DCC: variants seen among roughly 807,000 people sequenced by gnomAD.
The protein encoded by DCC is DCC netrin 1 receptor.
In DCC, 58 loss-of-function variants were observed where a neutral mutation model predicts 172.5. The ratio of observed to expected loss-of-function variants is 0.34; its 90% CI spans 0.27 to 0.42. The LOEUF (loss-of-function observed/expected upper bound fraction) is 0.42. Ranked by LOEUF, DCC falls within the 10% of genes least tolerant of loss-of-function variation. The pLI, the probability that DCC is intolerant of heterozygous loss-of-function variation, is 1.00. For synonymous variants in DCC, 709 were observed against 644.5 expected (o/e 1.10, Z -1.52); for missense variants, 1,740 against 1,791.0 (o/e 0.97, Z 0.51).
chr18:53,109,800 C>T (rs976679427), intron 7 of DCC, among the ~76,000 whole-genome samples: 1 of 151,350 alleles, frequency 6.6e-6, no homozygotes, highest in African/African-American at 2.4e-5. Context: ...CTTTTTTTTC[C>T]TTCCAGTAGT....
chr18:52,421,828 C>G (rs549923299), intron 1 of DCC, among the ~76,000 whole-genome samples: 1 of 152,086 alleles, frequency 6.6e-6, no homozygotes, highest in Non-Finnish European at 1.5e-5. Context: ...TTTTAGTGAT[C>G]CTTGTAGTAT....
At chr18:52,622,694 G>C (rs960337567) in intron 1 of DCC, among the ~76,000 whole-genome samples, 9 of 152,096 alleles carry the variant, frequency 5.9e-5, no homozygotes, top group Admixed American at 4.6e-4. Flanking sequence ...CACTTATCCA[G>C]GTTTCAACTA....
chr18:53,396,266 A>G (rs890307390), intron 17 of DCC, among the ~76,000 whole-genome samples: 8 of 152,200 alleles, frequency 5.3e-5, no homozygotes, highest in African/African-American at 1.9e-4. Context: ...GATACCTCAT[A>G]CCAAGTACAA....
At chr18:53,484,257 T>C (rs977991618) in intron 25 of DCC, among the ~76,000 whole-genome samples, 8 of 151,988 alleles carry the variant, frequency 5.3e-5, no homozygotes, top group Non-Finnish European at 1.0e-4. Flanking sequence ...GTTATTTACT[T>C]TCTTGTTTTC....
intron 5 of DCC, among the ~76,000 whole-genome samples, chr18:52,931,558 C>CCT (rs2040306828): frequency 6.6e-6 from 1 of 151,916 alleles, no homozygotes; most frequent in African/African-American, 2.4e-5. Flanking sequence ...ATTTTGTTGC[C>CCT]CTCCTCAGTA....
intron 5 of DCC, among the ~76,000 whole-genome samples, chr18:52,936,971 CTT>C (rs1215905404): frequency 2.6e-5 from 4 of 152,168 alleles, no homozygotes; most frequent in African/African-American, 7.2e-5. Flanking sequence ...ATTTCAGTAA[CTT>C]TATGTAGTAA....
intron 1 of DCC, among the ~76,000 whole-genome samples, chr18:52,719,784 G>A (rs74561785): frequency 6.6e-6 from 1 of 152,046 alleles, no homozygotes; most frequent in African/African-American, 2.4e-5. Context: ...GCCAGGTACC[G>A]ACTGGAGAAT....
At chr18:53,173,564 G>C (rs1420674241) in intron 8 of DCC, among the ~76,000 whole-genome samples, 2 of 152,014 alleles carry the variant, frequency 1.3e-5, no homozygotes, top group Non-Finnish European at 2.9e-5. Context: ...AACCAACAAA[G>C]ATCAAAAGAG....
chr18:53,011,927 C>T (rs1260853277), intron 5 of DCC, among the ~76,000 whole-genome samples: 5 of 151,600 alleles, frequency 3.3e-5, no homozygotes, highest in Admixed American at 1.3e-4. Flanking sequence ...ATTAAGAAGA[C>T]AAAATATATG....
At chr18:52,524,245 A>T (rs954832730) in intron 1 of DCC, among the ~76,000 whole-genome samples, 2 of 152,248 alleles carry the variant, frequency 1.3e-5, no homozygotes, top group African/African-American at 4.8e-5. Context: ...AGAAGCTTCA[A>T]TAGTATGTTT....
intron 28 of DCC, 111 bp downstream of exon 28, chr18:53,526,870 A>ACCCCAGGCCT: frequency 9.0e-7 from 1 of 1,108,626 alleles, no homozygotes; most frequent in Non-Finnish European, 1.4e-6. Flanking sequence ...ACCCCAGGCC[A>ACCCCAGGCCT]TTGTTGTTCT....
chr18:53,038,118 C>A (rs1024397177), intron 5 of DCC, among the ~76,000 whole-genome samples: 5 of 151,834 alleles, frequency 3.3e-5, no homozygotes, highest in Admixed American at 3.3e-4. Context: ...TCATTTAGCC[C>A]TCAACAAATA....
chr18:52,910,399 C>G (rs756772222), intron 3 of DCC, among the ~76,000 whole-genome samples: 2 of 151,986 alleles, frequency 1.3e-5, no homozygotes, highest in Non-Finnish European at 2.9e-5. Flanking sequence ...AAAATTAGTA[C>G]CTAGTTTCAT....
At chr18:52,805,048 C>G (rs902236033) in intron 2 of DCC, among the ~76,000 whole-genome samples, 5 of 152,112 alleles carry the variant, frequency 3.3e-5, no homozygotes, top group Non-Finnish European at 2.9e-5. Context: ...ATTTCTTAAT[C>G]TCTGTGAGCC....
In DCC at chr18:53,219,912, C is replaced by A. The variant is rs182685464; in HGVS notation, c.1911+4315C>A. Among the ~76,000 whole-genome samples, 11 of 152,216 alleles carry A rather than the reference C, an allele frequency of 7.2e-5. No individual in the cohort carries two copies. The East Asian group carries it at 1.9e-3, about 27-fold the overall frequency. On this transcript the variant is annotated intron_variant, in intron 12 of 28. Transcript: ENST00000442544. Reference sequence around the variant, plus strand: ...ATTCTTTGTGTGTGTTTGTGTGTAACAAGACAGAGGAAATCTAAGTGTATT... The same window carrying A: ...ATTCTTTGTGTGTGTTTGTGTGTAAAAAGACAGAGGAAATCTAAGTGTATT...
intron 14 of DCC, among the ~76,000 whole-genome samples, chr18:53,332,867 C>T (rs2057545965): frequency 6.6e-6 from 1 of 151,780 alleles, no homozygotes; most frequent in Non-Finnish European, 1.5e-5. Context: ...ATGAATATTC[C>T]CAGCCTGGGC....
intron 2 of DCC, among the ~76,000 whole-genome samples, chr18:52,871,669 G>A (rs1338200611): frequency 6.6e-6 from 1 of 152,026 alleles, no homozygotes; most frequent in Admixed American, 6.6e-5. Context: ...TGCCCAGGCT[G>A]GTTTTAAACT....
chr18:53,304,024 C>G (rs974731415), intron 12 of DCC, among the ~76,000 whole-genome samples: 2 of 152,012 alleles, frequency 1.3e-5, no homozygotes, highest in Non-Finnish European at 2.9e-5. Flanking sequence ...CCGACTATCC[C>G]CAGCTGAACT....
intron 2 of DCC, among the ~76,000 whole-genome samples, chr18:52,794,537 GT>G (rs1247664236): frequency 6.6e-6 from 1 of 151,906 alleles, no homozygotes; most frequent in East Asian, 1.9e-4. Context: ...GAGTTTTTTG[GT>G]GGAGTCTTTA....
Sources: allele counts gnomAD v4.1 joint callset (sites outside exome capture counted in the v4.1 genomes callset), GRCh38; gene constraint gnomAD v4.1.1; transcripts MANE v1.5; gene names NCBI Gene and HGNC (gene_info 2026-07-23, HGNC 2026-07-21).